B3GALT1: variants seen among roughly 807,000 people sequenced by gnomAD.
The protein encoded by B3GALT1 is UDP-Gal:betaGlcNAc beta 1,3-galactosyltransferase, polypeptide 1.
B3GALT1 carries 10 observed loss-of-function variants against 23.2 expected under a neutral mutation model. That is an observed-to-expected ratio of 0.43 (90% CI 0.27 to 0.73). The LOEUF (loss-of-function observed/expected upper bound fraction) is 0.73, where lower values mean the gene tolerates loss of function less well. Among genes scored for constraint, B3GALT1 ranks in the 30% least tolerant of loss-of-function variants. The pLI is 0.21. For synonymous variants in B3GALT1, 156 were observed against 141.5 expected, an observed-to-expected ratio of 1.10 and a Z score of -0.73; for missense variants, 299 against 405.4, an observed-to-expected ratio of 0.74 and a Z score of 2.25.
chr2:167,371,586 G>A (rs1056762015), intron 1 of B3GALT1, among the ~76,000 whole-genome samples: 2 of 152,046 alleles, frequency 1.3e-5, no homozygotes, highest in Non-Finnish European at 2.9e-5. Context: ...CACCTTATCT[G>A]ACGAAGGTAA....
At chr2:167,703,042 G>C (rs1686905018) in intron 3 of B3GALT1, among the ~76,000 whole-genome samples, 1 of 152,128 alleles carries the variant, frequency 6.6e-6, no homozygotes, top group Non-Finnish European at 1.5e-5. Flanking sequence ...ATGCTCACCT[G>C]GTGGATTTGT....
intron 3 of B3GALT1, among the ~76,000 whole-genome samples, chr2:167,812,943 A>G (rs1363576138): frequency 1.3e-5 from 2 of 150,914 alleles, no homozygotes; most frequent in Non-Finnish European, 2.9e-5. Flanking sequence ...TTAATCACAC[A>G]CCAAGACATA....
chr2:167,543,041 T>C (rs1683559739), intron 2 of B3GALT1, among the ~76,000 whole-genome samples: 1 of 152,082 alleles, frequency 6.6e-6, no homozygotes, highest in Non-Finnish European at 1.5e-5. Flanking sequence ...TGAAAAGTGA[T>C]TGATTTATAG....
intron 1 of B3GALT1, among the ~76,000 whole-genome samples, chr2:167,467,083 C>T (rs570851647): frequency 2.0e-5 from 3 of 151,604 alleles, no homozygotes; most frequent in Admixed American, 6.6e-5. Context: ...AGTAGGCCTC[C>T]GGATGGATGC....
chr2:167,783,611 T>C (rs1688285499), intron 3 of B3GALT1, among the ~76,000 whole-genome samples: 1 of 151,958 alleles, frequency 6.6e-6, no homozygotes, highest in African/African-American at 2.4e-5. Flanking sequence ...TAAGAGCAAA[T>C]AGGAAAGAAG....
At chr2:167,606,484 A>G (rs2105428209) in intron 2 of B3GALT1, among the ~76,000 whole-genome samples, 1 of 152,340 alleles carries the variant, frequency 6.6e-6, no homozygotes, top group Non-Finnish European at 1.5e-5. Context: ...AAACTATGTG[A>G]AGAAAGCATT....
intron 2 of B3GALT1, among the ~76,000 whole-genome samples, chr2:167,645,971 G>A (rs1212614781): frequency 2.6e-5 from 4 of 152,076 alleles, no homozygotes; most frequent in Admixed American, 6.6e-5. Flanking sequence ...AGCTATAAAT[G>A]GAAATGCAGA....
intron 3 of B3GALT1, among the ~76,000 whole-genome samples, chr2:167,805,059 G>A (rs988402192): frequency 9.2e-5 from 14 of 152,112 alleles, no homozygotes; most frequent in African/African-American, 3.4e-4. Flanking sequence ...GTTTTGATTT[G>A]CATTTCTCTG....
chr2:167,337,217 TG>T (rs769097182), intron 1 of B3GALT1, among the ~76,000 whole-genome samples: 1 of 152,188 alleles, frequency 6.6e-6, no homozygotes, highest in Non-Finnish European at 1.5e-5. Flanking sequence ...TATTTTTTTT[TG>T]TGGCTTCCTA....
At chr2:167,728,952 A>G (rs1687364407) in intron 3 of B3GALT1, among the ~76,000 whole-genome samples, 1 of 152,172 alleles carries the variant, frequency 6.6e-6, no homozygotes, top group Non-Finnish European at 1.5e-5. Flanking sequence ...TTTTTATCTC[A>G]GATTCTGACA....
chr2:167,825,003 G>A (rs1278719306), intron 4 of B3GALT1, among the ~76,000 whole-genome samples: 2 of 151,978 alleles, frequency 1.3e-5, no homozygotes, highest in African/African-American at 2.4e-5. Context: ...AAAAAAAATT[G>A]CATAGAAAAC....
At chr2:167,600,205 C>T (rs539916672) in intron 2 of B3GALT1, among the ~76,000 whole-genome samples, 12 of 152,222 alleles carry the variant, frequency 7.9e-5, no homozygotes, top group African/African-American at 2.6e-4. Context: ...AAATCTGAGC[C>T]GTAACCACAA....
chr2:167,302,074 G>A (rs572356937), intron 1 of B3GALT1, among the ~76,000 whole-genome samples: 1 of 152,134 alleles, frequency 6.6e-6, no homozygotes, highest in South Asian at 2.1e-4. Flanking sequence ...CCAACAAAAG[G>A]GGAATAATTA....
rs991045376 is a variant in B3GALT1 at position 167,823,413 on chromosome 2, T to A, written c.-230+4620T>A. 2.3e-4 allele frequency among the ~76,000 whole-genome samples: 35 copies of A among 152,146 alleles called. 1 individual carries two copies. The highest frequency in any genetic ancestry group is 4.4e-5 in the Non-Finnish European group (3 of 68,028). On this transcript the variant is annotated intron_variant, in intron 4 of 4. Transcript: ENST00000392690. ...AAATTAAACTGAGTTGGTGCCTCAT[T>A]TGGAAATGGAGCAGATGGTCATTAA...
rs1689184539 is a variant in B3GALT1, at chr2:167,824,985, T to C, written c.-230+6192T>C. On this transcript the variant is annotated intron_variant, in intron 4 of 4. Transcript: ENST00000392690. ...CACATGCAGATGGCAACTGAGGTCA[T>C]GGGCAGAAAAAAAAATTGCATAGAA... Among the ~76,000 whole-genome samples the C allele has an allele frequency of 3.3e-5, 5 of 152,030 alleles. No homozygotes were observed. The South Asian group carries it at 8.3e-4, about 25-fold the overall frequency.
At chr2:167,372,876 A>G (rs919830606) in intron 1 of B3GALT1, among the ~76,000 whole-genome samples, 1 of 152,132 alleles carries the variant, frequency 6.6e-6, no homozygotes, top group African/African-American at 2.4e-5. Context: ...AAGACTTGTT[A>G]TTGTTAAAAT....
At chr2:167,517,222 GT>G (rs148254574) in intron 2 of B3GALT1, among the ~76,000 whole-genome samples, 3 of 149,754 alleles carry the variant, frequency 2.0e-5, no homozygotes, top group South Asian at 2.1e-4. Context: ...TATTGTTAAG[GT>G]TTTTTTTTCA....
intron 1 of B3GALT1, among the ~76,000 whole-genome samples, chr2:167,306,495 AAAC>A (rs1195348848): frequency 3.3e-5 from 5 of 152,138 alleles, no homozygotes; most frequent in African/African-American, 9.6e-5. Context: ...TTAAATGAAA[AAAC>A]AACTATTTTC....
intron 2 of B3GALT1, among the ~76,000 whole-genome samples, chr2:167,559,696 A>G (rs368101729): frequency 1.1e-4 from 16 of 152,358 alleles, no homozygotes; most frequent in Non-Finnish European, 2.1e-4. Context: ...ACTGGAAGAA[A>G]GGGTATCAGT....
Sources: allele counts gnomAD v4.1 joint callset (sites outside exome capture counted in the v4.1 genomes callset), GRCh38; gene constraint gnomAD v4.1.1; transcripts MANE v1.5; gene names NCBI Gene and HGNC (gene_info 2026-07-23, HGNC 2026-07-21).